The following COG2 variants were observed in gnomAD, a reference collection of about 807,000 sequenced individuals.
The protein encoded by COG2 is component of oligomeric golgi complex 2, also known as conserved oligomeric Golgi complex subunit 2.
A neutral mutation model predicts 90.6 loss-of-function variants in COG2; 52 were observed. The ratio of observed to expected loss-of-function variants is 0.57; its 90% CI spans 0.46 to 0.72. The LOEUF is 0.72. Ranked by LOEUF, COG2 falls within the 30% of genes least tolerant of loss-of-function variation. The pLI is 0.00. For missense variants in COG2, 829 were observed against 891.2 expected, an observed-to-expected ratio of 0.93 and a Z score of 0.89; for synonymous variants, 337 against 320.4, an observed-to-expected ratio of 1.05 and a Z score of -0.55.
At chr1:230,684,670 T>A (rs1289331472) in intron 11 of COG2, among the ~76,000 whole-genome samples, 2 of 152,342 alleles carry the variant, frequency 1.3e-5, no homozygotes, top group East Asian at 1.9e-4. Context: ...GTAGTTAACT[T>A]CTTCTATAAA....
At chr1:230,691,332 G>A in intron 16 of COG2, 52 bp from the exon 17 acceptor site, 1 of 1,464,310 alleles carries the variant, frequency 6.8e-7, no homozygotes, top group South Asian at 1.4e-5. Flanking sequence ...TACTCTATTT[G>A]GTGTTACACA....
intron 10 of COG2, chr1:230,680,771 A>G (rs1166477185): frequency 1.3e-5 from 2 of 152,214 alleles, no homozygotes; most frequent in Non-Finnish European, 2.9e-5. Flanking sequence ...AGTAAATTCC[A>G]TTAAGACTTT....
At chr1:230,669,920 C>A in intron 7 of COG2, 1 of 170,230 alleles carries the variant, frequency 5.9e-6, no homozygotes, top group Non-Finnish European at 1.3e-5. Flanking sequence ...CTGCAGTGTA[C>A]GAGGAAGGTG....
rs71175818 is a variant in COG2, at chr1:230,653,549, T to TTTA, written c.73-5915_73-5914insTTA. On this transcript the variant is annotated intron_variant, in intron 1 of 17. Transcript: ENST00000366669. ...GTTTGATTCTACTAAAGAATCAAAT[T>TTTA]CTACTAGCCAGAATTGATTCTACTA... Among the ~76,000 whole-genome samples the TTTA allele has an allele frequency of 4.6e-5, 7 of 152,236 alleles. No individual in the cohort carries two copies. The East Asian group carries it at 1.3e-3, about 29-fold the overall frequency.
In COG2 at chr1:230,669,506, C is replaced by A. The variant is rs1315762890; in HGVS notation, c.745C>A (p.Gln249Lys). 6.2e-7 allele frequency: 1 copy of A among 1,613,934 alleles called. No individual in the cohort carries two copies. Among genetic ancestry groups the A allele is most frequent in the African/African-American group, 1.3e-5 (1 of 75,018 alleles). ...ACGGGACGCGGAGGCCTTAGTTGGC[C>A]AAGTACTAGTGAAACCATACATAGA... ...KTRDAEALVG[Q>K]VLVKPYIDEV... Residue 249 changes from glutamine to lysine, a missense_variant, in exon 7 of 18, where the codon CAA (glutamine) becomes AAA (lysine). By Grantham distance (53) the Gln-to-Lys change is moderately conservative. Transcript: ENST00000366669.
At chr1:230,663,100 A>G in intron 3 of COG2, 41 bp from the exon 4 acceptor site, 1 of 1,515,590 alleles carries the variant, frequency 6.6e-7, no homozygotes, top group Non-Finnish European at 9.0e-7. Context: ...ATAATGTTAC[A>G]AAACAATCTC....
rs771542372 is a variant in COG2, at chr1:230,659,459, T to C, written c.73-5T>C. ...AATTTTTTCTTCTCTGGTTTTATTT[T>C]TCAGGAAGATTTCGATGTCGATCAT... On this transcript the variant is annotated splice_region_variant and splice_polypyrimidine_tract_variant and intron_variant, in intron 1 of 17. Transcript: ENST00000366669. The C allele has an allele frequency of 6.2e-7, 1 of 1,612,752 alleles. No individual in the cohort carries two copies. Among genetic ancestry groups the C allele is most frequent in the Non-Finnish European group, 8.5e-7 (1 of 1,178,958 alleles).
intron 9 of COG2, chr1:230,678,347 G>A (rs930710632): frequency 5.1e-6 from 5 of 985,266 alleles, no homozygotes; most frequent in Non-Finnish European, 6.0e-6. Flanking sequence ...CTGTGGGGTC[G>A]TTTTGTGGGT....
intron 9 of COG2, chr1:230,678,580 A>G (rs1662655629): frequency 1.6e-6 from 2 of 1,234,462 alleles, no homozygotes; most frequent in African/African-American, 3.1e-5. Context: ...GAACTATGTC[A>G]TTTAATCTGC....
At chr1:230,654,655 C>T (rs913238420) in intron 1 of COG2, among the ~76,000 whole-genome samples, 1 of 152,076 alleles carries the variant, frequency 6.6e-6, no homozygotes, top group Admixed American at 6.5e-5. Flanking sequence ...AGCTTGATGG[C>T]GATAGCATTG....
At chr1:230,671,462 C>A in intron 7 of COG2, 54 bp from the exon 8 acceptor site, 27 of 1,502,748 alleles carry the variant, frequency 1.8e-5, no homozygotes, top group Non-Finnish European at 2.5e-5. Context: ...TGAAATAGAT[C>A]GTTTGTACTT....
intron 1 of COG2, among the ~76,000 whole-genome samples, chr1:230,649,020 T>G (rs1661852243): frequency 6.6e-6 from 1 of 152,182 alleles, no homozygotes; most frequent in South Asian, 2.1e-4. Flanking sequence ...AAGTGACAGG[T>G]TATAGGTTTT....
chr1:230,690,222 A>G (rs1056801049), intron 16 of COG2, 69 bp downstream of exon 16: 11 of 1,383,608 alleles, frequency 8.0e-6, no homozygotes, highest in Admixed American at 5.5e-5. Flanking sequence ...CCCCAAGGCA[A>G]TCAAGCACTG....
intron 3 of COG2, 84 bp from the exon 4 acceptor site, chr1:230,663,057 G>A: frequency 9.2e-7 from 1 of 1,090,420 alleles, no homozygotes; most frequent in South Asian, 1.6e-5. Context: ...TAGGTGTTAA[G>A]TCCTGTGGAA....
chr1:230,642,655 T>C lies in COG2; in HGVS notation c.49T>C (p.Phe17Leu). ...NLPKGPDTLCFDKDEFMKEDF... is the reference protein window; with the variant it reads ...NLPKGPDTLCLDKDEFMKEDF... ...GCCCAAGGGGCCGGACACGCTCTGC[T>C]TCGACAAGGACGAGTTCATGAAGGT... Residue 17 changes from phenylalanine (F) to leucine (L), a missense_variant, in exon 1 of 18, where the codon TTC (phenylalanine) becomes CTC (leucine). Coordinates refer to ENST00000366669, the MANE Select transcript of COG2 (RefSeq NM_007357.3). 6.2e-7 allele frequency: 1 copy of C among 1,613,146 alleles called. No homozygotes were observed. The highest frequency in any genetic ancestry group is 1.1e-5 in the South Asian group (1 of 90,742).
chr1:230,642,729 C>G (rs1389966446), intron 1 of COG2, 51 bp downstream of exon 1: 8 of 1,557,048 alleles, frequency 5.1e-6, no homozygotes, highest in Non-Finnish European at 7.0e-6. Context: ...TGCCTCTGCC[C>G]TGTGCCCTCT....
chr1:230,663,409 G>A (rs922684787), intron 4 of COG2, among the ~76,000 whole-genome samples, 188 bp downstream of exon 4: 1 of 151,998 alleles, frequency 6.6e-6, no homozygotes, highest in South Asian at 2.1e-4. Context: ...ATGTATTTAT[G>A]TATTTATTTT....
At chr1:230,674,759 C>T (rs1049567995) in intron 8 of COG2, among the ~76,000 whole-genome samples, 2 of 152,134 alleles carry the variant, frequency 1.3e-5, no homozygotes, top group African/African-American at 4.8e-5. Flanking sequence ...TTCCCTTAGC[C>T]TTGACACCAG....
intron 9 of COG2, among the ~76,000 whole-genome samples, chr1:230,675,820 T>G (rs1229209242): frequency 6.6e-6 from 1 of 151,922 alleles, no homozygotes; most frequent in Non-Finnish European, 1.5e-5. Flanking sequence ...CAATTTTTCT[T>G]TTCTTTTTCT....
Sources: allele counts gnomAD v4.1 joint callset (sites outside exome capture counted in the v4.1 genomes callset), GRCh38; gene constraint gnomAD v4.1.1; transcripts MANE v1.5; gene names NCBI Gene and HGNC (gene_info 2026-07-23, HGNC 2026-07-21).